Variants in ZSWIM5 observed in about 807,000 individuals in gnomAD.
The protein encoded by ZSWIM5 is zinc finger SWIM domain-containing protein 5.
In ZSWIM5, 55 loss-of-function variants were observed where a neutral mutation model predicts 119.6. The observed-to-expected ratio is 0.46, with a 90% CI of 0.37 to 0.58. The LOEUF (loss-of-function observed/expected upper bound fraction) is 0.58. Among genes scored for constraint, ZSWIM5 ranks in the 20% least tolerant of loss-of-function variants. The probability of loss-of-function intolerance (pLI) is 0.00; values close to 1 mark genes in which losing one functional copy is unlikely to be tolerated. For synonymous variants in ZSWIM5, 537 were observed against 606.9 expected (o/e 0.88, Z 1.69); for missense variants, 1,193 against 1,512.8 (o/e 0.79, Z 3.51).
At position 45,206,531 on chromosome 1, in the gene ZSWIM5, C is replaced by T. The variant is rs1379078577; in HGVS notation, c.-181G>A. 1.9e-6 allele frequency: 2 copies of T among 1,030,540 alleles called. No individual in the cohort carries two copies. Among genetic ancestry groups the T allele is most frequent in the East Asian group, 9.0e-5 (1 of 11,058 alleles). The allele number at this position is 1,030,540 out of a possible 1,614,324, so 63.8% of individuals were successfully genotyped here. A position where few individuals can be genotyped will look rare whatever the true frequency, so the allele number is the denominator to read the frequency against. On this transcript the variant is annotated 5_prime_UTR_variant, in exon 1 of 14. Transcript: ENST00000359600. Reference sequence around the variant, plus strand: ...CGCGGCCGGGCCCGGGAGCGCGCCGCGAGGGCAGACGCGGGCGGCCTGCAG... The same window carrying T: ...CGCGGCCGGGCCCGGGAGCGCGCCGTGAGGGCAGACGCGGGCGGCCTGCAG...
At chr1:45,180,249 C>T (rs563217259) in intron 1 of ZSWIM5, among the ~76,000 whole-genome samples, 7 of 152,284 alleles carry the variant, frequency 4.6e-5, no homozygotes, top group Admixed American at 1.3e-4. Context: ...GCTTTTCCGA[C>T]GGGCTTAGGA....
At chr1:45,059,403 A>C (rs1645140674) in intron 3 of ZSWIM5, among the ~76,000 whole-genome samples, 1 of 152,228 alleles carries the variant, frequency 6.6e-6, no homozygotes, top group South Asian at 2.1e-4. Context: ...GCCAATCATA[A>C]AAGACTACAT....
intron 1 of ZSWIM5, among the ~76,000 whole-genome samples, chr1:45,129,861 T>A (rs1031973827): frequency 6.6e-6 from 1 of 151,882 alleles, no homozygotes; most frequent in African/African-American, 2.4e-5. Context: ...GGGCTAAGAG[T>A]CCCTAGACTT....
chr1:45,148,924 G>C (rs1645778610), intron 1 of ZSWIM5, among the ~76,000 whole-genome samples: 1 of 152,066 alleles, frequency 6.6e-6, no homozygotes, highest in Non-Finnish European at 1.5e-5. Context: ...CACACCATAA[G>C]ATCACAGCTG....
intron 1 of ZSWIM5, among the ~76,000 whole-genome samples, chr1:45,128,717 C>T (rs1645636409): frequency 6.6e-6 from 1 of 152,182 alleles, no homozygotes; most frequent in African/African-American, 2.4e-5. Flanking sequence ...CATGTATCTA[C>T]TATTACAGTA....
intron 11 of ZSWIM5, among the ~76,000 whole-genome samples, chr1:45,026,347 T>C (rs1403209001): frequency 6.6e-6 from 1 of 152,028 alleles, no homozygotes; most frequent in East Asian, 1.9e-4. Context: ...TAATTGTAGG[T>C]TTTTTTGTAG....
chr1:45,202,389 C>T (rs530945810), intron 1 of ZSWIM5, among the ~76,000 whole-genome samples: 3 of 152,082 alleles, frequency 2.0e-5, no homozygotes, highest in African/African-American at 7.2e-5. Context: ...AAACTTACTA[C>T]TTGATGTTTA....
chr1:45,030,064 C>A (rs1486153871), intron 11 of ZSWIM5, among the ~76,000 whole-genome samples: 1 of 152,084 alleles, frequency 6.6e-6, no homozygotes, highest in Non-Finnish European at 1.5e-5. Context: ...CTTGCTTTAG[C>A]CTCCTGAGTA....
rs199788302 is a variant in ZSWIM5, at chr1:45,095,287, C to T, written c.596-7050G>A. Among the ~76,000 whole-genome samples the T allele has an allele frequency of 2.4e-4, 37 of 152,112 alleles. No individual in the cohort carries two copies. The East Asian group carries it at 7.2e-3, about 29-fold the overall frequency. ...GAACTACAGGCATGTGCTACCATCT[C>T]TAATTTTTTTTTATTTTTTGTAGAG... On this transcript the variant is annotated intron_variant, in intron 1 of 13. Transcript: ENST00000359600.
chr1:45,050,292 G>A (rs1645081812), intron 5 of ZSWIM5, among the ~76,000 whole-genome samples: 1 of 152,162 alleles, frequency 6.6e-6, no homozygotes, highest in Admixed American at 6.5e-5. Context: ...TGGAGGCAGA[G>A]GTTGCAGTGA....
intron 2 of ZSWIM5, among the ~76,000 whole-genome samples, chr1:45,069,298 C>T (rs919978900): frequency 4.0e-5 from 6 of 151,820 alleles, no homozygotes; most frequent in African/African-American, 1.2e-4. Context: ...TGGTGGTGGG[C>T]GCCTGGAGTC....
At chr1:45,078,388 C>A (rs1323226885) in intron 2 of ZSWIM5, among the ~76,000 whole-genome samples, 1 of 152,122 alleles carries the variant, frequency 6.6e-6, no homozygotes, top group East Asian at 1.9e-4. Context: ...TTAGTGGTCA[C>A]CCCAACCCCA....
At chr1:45,190,646 T>C (rs1218641491) in intron 1 of ZSWIM5, among the ~76,000 whole-genome samples, 1 of 151,784 alleles carries the variant, frequency 6.6e-6, no homozygotes, top group Non-Finnish European at 1.5e-5. Flanking sequence ...GCCAGGAGAG[T>C]TGGCTGCTGA....
At chr1:45,157,067 T>C (rs956874183) in intron 1 of ZSWIM5, among the ~76,000 whole-genome samples, 2 of 152,134 alleles carry the variant, frequency 1.3e-5, no homozygotes, top group Non-Finnish European at 2.9e-5. Context: ...TAGGCAACCA[T>C]TGTTCTGATT....
chr1:45,117,455 G>C (rs936207285), intron 1 of ZSWIM5, among the ~76,000 whole-genome samples: 1 of 152,174 alleles, frequency 6.6e-6, no homozygotes, highest in Non-Finnish European at 1.5e-5. Context: ...TGGGAGGACT[G>C]CTTGAGCCTA....
chr1:45,069,461 GA>G (rs1370927740), intron 2 of ZSWIM5, among the ~76,000 whole-genome samples: 1 of 151,490 alleles, frequency 6.6e-6, no homozygotes, highest in South Asian at 2.1e-4. Context: ...TTTCATTCTA[GA>G]AAATTTTGTT....
intron 1 of ZSWIM5, among the ~76,000 whole-genome samples, chr1:45,198,621 A>G (rs1193524786): frequency 1.3e-5 from 2 of 152,210 alleles, no homozygotes; most frequent in Admixed American, 6.5e-5. Context: ...GGGCAATTCT[A>G]TAAGAGTTTT....
chr1:45,189,834 T>C lies in ZSWIM5; in HGVS notation c.595+15922A>G, dbSNP rs553351310. 4.3e-4 allele frequency among the ~76,000 whole-genome samples: 65 copies of C among 152,334 alleles called. No individual in the cohort carries two copies. The South Asian group carries it at 0.012, about 29-fold the overall frequency. ...CATTATGTGCTATCTCAGCAACAGA[T>C]GGTGTTTACAAAATAAAGCAGATTT... On this transcript the variant is annotated intron_variant, in intron 1 of 13. Transcript: ENST00000359600.
chr1:45,086,198 G>T (rs142875423), intron 2 of ZSWIM5, among the ~76,000 whole-genome samples: 1 of 152,254 alleles, frequency 6.6e-6, no homozygotes, highest in African/African-American at 2.4e-5. Context: ...TCAGTAACTG[G>T]ATCTTGTGAA....
Sources: gnomAD v4.1 joint callset for allele counts (sites outside exome capture counted in the v4.1 genomes callset) on GRCh38, gnomAD v4.1.1 for gene constraint, MANE v1.5 for transcripts, NCBI Gene and HGNC (gene_info 2026-07-23, HGNC 2026-07-21) for gene names.